GNG10: variants seen among roughly 807,000 people sequenced by gnomAD.
GNG10 encodes the protein G protein subunit gamma 10.
GNG10 carries 7 observed loss-of-function variants against 6.8 expected under a neutral mutation model. That is an observed-to-expected ratio of 1.02 (90% CI 0.58 to 1.92). The LOEUF is 1.92. Ranked by LOEUF, GNG10 falls within the 30% of genes most tolerant of loss-of-function variation. GNG10 has a pLI of 0.00. For synonymous variants in GNG10, 28 were observed against 34.8 expected, an observed-to-expected ratio of 0.80 and a Z score of 0.69; for missense variants, 57 against 86.1, an observed-to-expected ratio of 0.66 and a Z score of 1.34.
chr9:111,667,228 CCTTT>C (rs953607948), intron 2 of GNG10, among the ~76,000 whole-genome samples: 1 of 148,128 alleles, frequency 6.8e-6, no homozygotes, highest in Non-Finnish European at 1.5e-5. Context: ...GTAATTTCTT[CCTTT>C]CTTTCTTTCT....
intron 1 of GNG10, among the ~76,000 whole-genome samples, chr9:111,666,574 AC>A (rs1830902631): frequency 6.6e-6 from 1 of 152,260 alleles, no homozygotes. Context: ...GATCAAAGAT[AC>A]AGCTTTTTCT....
At chr9:111,668,024 T>C (rs77372967) in intron 2 of GNG10, among the ~76,000 whole-genome samples, 1 of 152,052 alleles carries the variant, frequency 6.6e-6, no homozygotes, top group Non-Finnish European at 1.5e-5. Context: ...GCCCACCTAA[T>C]TTTTTTGTAT....
At chr9:111,663,866 G>T (rs1213095159) in intron 1 of GNG10, among the ~76,000 whole-genome samples, 2 of 151,662 alleles carry the variant, frequency 1.3e-5, no homozygotes, top group Non-Finnish European at 2.9e-5. Flanking sequence ...TGTTGCCCAG[G>T]TTGGAGTGCA....
Position 111,670,175 on chromosome 9 carries a change from G to T in GNG10, c.*913G>T, listed in dbSNP as rs190626485. Reference sequence around the variant, plus strand: ...ACTTTTTTAGAAGGATACATTATTCGTGTTTGCAACGGTCTTTGAAGAGCT... The same window carrying T: ...ACTTTTTTAGAAGGATACATTATTCTTGTTTGCAACGGTCTTTGAAGAGCT... On this transcript the variant is annotated 3_prime_UTR_variant, in exon 3 of 3. Transcript: ENST00000374293. The T allele has an allele frequency of 6.6e-6, 1 of 152,556 alleles. No individual in the cohort carries two copies. The highest frequency in any genetic ancestry group is 2.4e-5 in the African/African-American group (1 of 41,416). The allele number at this position is 152,556 out of a possible 1,614,324, so 9.5% of individuals were successfully genotyped here.
At chr9:111,662,968 T>C (rs745807641) in intron 1 of GNG10, among the ~76,000 whole-genome samples, 44 of 151,992 alleles carry the variant, frequency 2.9e-4, no homozygotes, top group African/African-American at 7.5e-4. Flanking sequence ...ATTATATTTT[T>C]AGGTTCCAGG....
chr9:111,665,983 G>T (rs7870317), intron 1 of GNG10, among the ~76,000 whole-genome samples: 41,400 of 147,570 alleles, frequency 0.28, 5,885 homozygotes, highest in East Asian at 0.43. Context: ...ATCTGCCCCC[G>T]CTTGGGCTCC....
Position 111,670,121 on chromosome 9 carries a change from G to A in GNG10, c.*859G>A, listed in dbSNP as rs1446854601. 1 of 152,596 alleles carries A rather than the reference G, an allele frequency of 6.6e-6. No homozygotes were observed. The highest frequency in any genetic ancestry group is 1.5e-5 in the Non-Finnish European group (1 of 68,032). 9.5% of individuals were successfully genotyped at this position (152,596 alleles called of 1,614,324 possible). On this transcript the variant is annotated 3_prime_UTR_variant, in exon 3 of 3. Transcript: ENST00000374293. ...CTTAACTTCACAAGTGTTTTACTTC[G>A]ACGATGTGCCTTTGATTTAATTTGG...
At chr9:111,662,442 A>G (rs1589354699) in intron 1 of GNG10, among the ~76,000 whole-genome samples, 1 of 152,010 alleles carries the variant, frequency 6.6e-6, no homozygotes, top group African/African-American at 2.4e-5. Flanking sequence ...AGGCCTAGAG[A>G]AGAGGAAATA....
At chr9:111,663,333 C>T (rs913250416) in intron 1 of GNG10, among the ~76,000 whole-genome samples, 6 of 151,722 alleles carry the variant, frequency 4.0e-5, no homozygotes, top group East Asian at 1.9e-4. Context: ...TGAAGGTGAA[C>T]GGTAGTTGAA....
Position 111,669,386 on chromosome 9 carries a change from C to T in GNG10, c.*124C>T, listed in dbSNP as rs1405758658. 6.6e-6 allele frequency: 1 copy of T among 152,096 alleles called. No individual in the cohort carries two copies. The highest frequency in any genetic ancestry group is 1.5e-5 in the Non-Finnish European group (1 of 68,042). 9.4% of individuals were successfully genotyped at this position (152,096 alleles called of 1,614,324 possible). Reference sequence around the variant, plus strand: ...AGATATTTCAGCCCTTTCCTGTGGCCTGGTCCTATAGCCAAAATCACAGAT... The same window carrying T: ...AGATATTTCAGCCCTTTCCTGTGGCTTGGTCCTATAGCCAAAATCACAGAT... On this transcript the variant is annotated 3_prime_UTR_variant, in exon 3 of 3. Coordinates refer to ENST00000374293, the MANE Select transcript of GNG10 (RefSeq NM_001017998.4).
At position 111,669,272 on chromosome 9, in the gene GNG10, G is replaced by A. The variant is rs1830962485; in HGVS notation, c.*10G>A. 1.3e-5 allele frequency: 2 copies of A among 152,196 alleles called. No homozygotes were observed. Among genetic ancestry groups the A allele is most frequent in the South Asian group, 4.1e-4 (2 of 4,826 alleles). The allele number at this position is 152,196 out of a possible 1,614,324, so 9.4% of individuals were successfully genotyped here. ...ACCAAACAAACTCTTTTTCCAGTAG[G>A]AGAGAAGTTTGCTGAGGAATGCCTT... is the stretch of plus-strand genomic sequence containing the variant. On this transcript the variant is annotated 3_prime_UTR_variant, in exon 3 of 3. Coordinates refer to ENST00000374293, the MANE Select transcript of GNG10 (RefSeq NM_001017998.4).
Position 111,661,690 on chromosome 9 carries a change from T to C in GNG10, c.56T>C (p.Leu19Ser). 1 of 1,383,546 alleles carries C rather than the reference T, an allele frequency of 7.2e-7. No homozygotes were observed. The allele number at this position is 1,383,546 out of a possible 1,614,324, so 85.7% of individuals were successfully genotyped here. A position where few individuals can be genotyped will look rare whatever the true frequency, so the allele number is the denominator to read the frequency against. ...CAGCGCTTGGTAGAGCAGCTCAAGT[T>C]GGAGGCTGGCGTGGAGAGGATCAAG... ...ALQRLVEQLK[L>S]EAGVERIKVS... The change falls in exon 1 of 3, where the codon TTG becomes TCG. Residue 19 changes from leucine to serine, a missense_variant. Physicochemically the swap from Leu to Ser is moderately radical, Grantham distance 145. Transcript: ENST00000374293. This position sits in a 1 kb window ranked among gnomAD's most constrained non-coding sequence, Gnocchi z 6.1.
rs1354456540 is a variant in GNG10, at chr9:111,666,881, G to A, written c.148G>A (p.Val50Met). ...MQNACKDALL[V>M]GVPAGSNPFR... Reference sequence around the variant, plus strand: ...GAATGCCTGCAAGGATGCCCTGCTGGTGGGTGTTCCAGCTGGAAGTAACCC... The same window carrying A: ...GAATGCCTGCAAGGATGCCCTGCTGATGGGTGTTCCAGCTGGAAGTAACCC... The change falls in exon 2 of 3, where the codon GTG becomes ATG. Residue 50 changes from valine (V) to methionine (M), a missense_variant. Physicochemically the swap from Val to Met is conservative, Grantham distance 21. Transcript: ENST00000374293. The A allele has an allele frequency of 1.9e-6, 3 of 1,613,976 alleles. No homozygotes were observed. The highest frequency in any genetic ancestry group is 1.7e-5 in the Admixed American group (1 of 59,998).
At chr9:111,668,770 C>A (rs1255879579) in intron 2 of GNG10, among the ~76,000 whole-genome samples, 1 of 152,122 alleles carries the variant, frequency 6.6e-6, no homozygotes, top group Non-Finnish European at 1.5e-5. Context: ...CAGTCGTGAG[C>A]CACTGCGCCC....
chr9:111,662,740 A>G (rs1830842542), intron 1 of GNG10, among the ~76,000 whole-genome samples: 1 of 152,216 alleles, frequency 6.6e-6, no homozygotes, highest in Non-Finnish European at 1.5e-5. Flanking sequence ...CGCTTCATGT[A>G]CTAAGTGGAG....
At chr9:111,665,736 G>GT (rs1171131621) in intron 1 of GNG10, among the ~76,000 whole-genome samples, 1 of 151,208 alleles carries the variant, frequency 6.6e-6, no homozygotes, top group Non-Finnish European at 1.5e-5. Flanking sequence ...TTCTTTTTTT[G>GT]TTTTTTTGAG....
At position 111,661,805 on chromosome 9, in the gene GNG10, G is replaced by C. The variant is rs1352627638; in HGVS notation, c.81+90G>C. 1 of 730,440 alleles carries C rather than the reference G, an allele frequency of 1.4e-6. No individual in the cohort carries two copies. Among genetic ancestry groups the C allele is most frequent in the South Asian group, 5.7e-5 (1 of 17,524 alleles). 45.2% of individuals were successfully genotyped at this position (730,440 alleles called of 1,614,324 possible). On this transcript the variant is annotated intron_variant, in intron 1 of 2. Coordinates refer to ENST00000374293, the MANE Select transcript of GNG10 (RefSeq NM_001017998.4). The surrounding 1 kb of genome is among the most constrained non-coding windows in gnomAD (Gnocchi z 6.1). ...CGGCCCGGACCGGGCGCCAGCGGGG[G>C]ACTCGGTGGCGGCGGCGAGGCCTCG...
intron 1 of GNG10, among the ~76,000 whole-genome samples, chr9:111,662,516 T>G (rs1830838909): frequency 6.6e-6 from 1 of 152,176 alleles, no homozygotes; most frequent in African/African-American, 2.4e-5. Context: ...TCAGTCAACA[T>G]GTCCAGCGTT....
At chr9:111,666,359 C>T (rs953755132) in intron 1 of GNG10, among the ~76,000 whole-genome samples, 2 of 152,076 alleles carry the variant, frequency 1.3e-5, no homozygotes, top group Admixed American at 1.3e-4. Context: ...TAAGCTATAC[C>T]GCCTCAAAAG....
Sources: gnomAD v4.1 joint callset for allele counts (sites outside exome capture counted in the v4.1 genomes callset) on GRCh38, gnomAD v4.1.1 for gene constraint, Gnocchi (gnomAD v3.1) non-coding constraint, MANE v1.5 for transcripts, NCBI Gene and HGNC (gene_info 2026-07-23, HGNC 2026-07-21) for gene names.